The following RUNX1T1 variants were observed in gnomAD, a reference collection of about 807,000 sequenced individuals.
RUNX1T1 encodes the protein protein CBFA2T1.
A neutral mutation model predicts 62.8 loss-of-function variants in RUNX1T1; 4 were observed. The observed-to-expected ratio is 0.06, with a 90% CI of 0.03 to 0.15. The LOEUF (loss-of-function observed/expected upper bound fraction) is 0.15, where lower values mean the gene tolerates loss of function less well. RUNX1T1 is among the 10% of genes least tolerant of loss of function. RUNX1T1 has a pLI of 1.00. For missense variants in RUNX1T1, 508 were observed against 754.3 expected (o/e 0.67, Z 3.82); for synonymous variants, 291 against 286.0 (o/e 1.02, Z -0.18).
At chr8:92,016,540 T>A (rs1823037973) in intron 2 of RUNX1T1, among the ~76,000 whole-genome samples, 1 of 152,032 alleles carries the variant, frequency 6.6e-6, no homozygotes, top group African/African-American at 2.4e-5. Context: ...CTGGGCTCAG[T>A]GGCGCATGAC....
chr8:91,982,193 T>C (rs1308161892), intron 8 of RUNX1T1, among the ~76,000 whole-genome samples: 1 of 145,496 alleles, frequency 6.9e-6, no homozygotes, highest in Admixed American at 7.1e-5. Context: ...GCCGAGATTA[T>C]GCCACCACAC....
At chr8:91,962,441 A>G (rs968651916) in intron 10 of RUNX1T1, among the ~76,000 whole-genome samples, 2 of 152,250 alleles carry the variant, frequency 1.3e-5, no homozygotes, top group South Asian at 2.1e-4. Context: ...TTGAATGAAT[A>G]GTAGTAGAAC....
intron 1 of RUNX1T1, among the ~76,000 whole-genome samples, chr8:92,039,699 C>T (rs894537004): frequency 1.1e-4 from 17 of 152,180 alleles, no homozygotes; most frequent in African/African-American, 3.6e-4. Context: ...TGTCTTCTCT[C>T]GATGTATTAT....
chr8:92,067,790 A>G (rs918913366), upstream of RUNX1T1, among the ~76,000 whole-genome samples: 3 of 152,220 alleles, frequency 2.0e-5, no homozygotes, highest in African/African-American at 2.4e-5. Flanking sequence ...AACAAAATCT[A>G]TATCTGTAAT....
chr8:92,058,625 T>C (rs1831420288), intron 1 of RUNX1T1, among the ~76,000 whole-genome samples: 1 of 152,200 alleles, frequency 6.6e-6, no homozygotes, highest in African/African-American at 2.4e-5. Context: ...ACAAGTCCCT[T>C]AATCTCTAGG....
upstream of RUNX1T1, among the ~76,000 whole-genome samples, chr8:92,102,063 C>T (rs1398404941): frequency 6.6e-6 from 1 of 152,228 alleles, no homozygotes; most frequent in Non-Finnish European, 1.5e-5. The surrounding 1 kb of genome is among the most constrained non-coding windows in gnomAD (Gnocchi z 4.5). Context: ...AAGAAGCGGG[C>T]ACCGAGTCGG....
At chr8:92,016,978 C>T (rs576845116) in intron 2 of RUNX1T1, among the ~76,000 whole-genome samples, 2 of 152,264 alleles carry the variant, frequency 1.3e-5, no homozygotes, top group South Asian at 2.1e-4. Context: ...TTGCTAAAAT[C>T]ATAGCAGACT....
chr8:92,036,462 T>C (rs753140766), intron 1 of RUNX1T1, among the ~76,000 whole-genome samples: 2 of 152,170 alleles, frequency 1.3e-5, no homozygotes, highest in East Asian at 3.9e-4. Flanking sequence ...GGGATAGAAT[T>C]TTTGGAATGT....
At chr8:91,979,733 C>A in intron 8 of RUNX1T1, 1 of 416,048 alleles carries the variant, frequency 2.4e-6, no homozygotes, top group South Asian at 2.1e-5. Context: ...ACAGAAAGAG[C>A]AATCTATGAT....
At chr8:92,063,081 G>T, upstream of RUNX1T1, 1 of 451,444 alleles carries the variant, frequency 2.2e-6, no homozygotes, top group Non-Finnish European at 3.1e-6. Context: ...CATTTTCATA[G>T]CCATAATTGG....
chr8:92,029,690 A>G (rs915210094), intron 1 of RUNX1T1, among the ~76,000 whole-genome samples: 1 of 152,118 alleles, frequency 6.6e-6, no homozygotes, highest in African/African-American at 2.4e-5. Flanking sequence ...CACTGCCACC[A>G]CTAGCATACA....
chr8:91,979,337 C>T lies in RUNX1T1; in HGVS notation c.1199-3364G>A, dbSNP rs138307923. 5.0e-3 allele frequency among the ~76,000 whole-genome samples: 754 copies of T among 152,250 alleles called. 5 individuals carry two copies. Among genetic ancestry groups the T allele is most frequent in the South Asian group, 0.02 (97 of 4,820 alleles). On this transcript the variant is annotated intron_variant, in intron 8 of 10. Coordinates refer to ENST00000396218, the Ensembl canonical transcript of RUNX1T1. ...AGAATACTGGCTAATCTAAACACAT[C>T]TACCTAAAACATCCTAAGATTCTAA...
chr8:92,088,381 G>A (rs909178616), intron 1 of RUNX1T1, among the ~76,000 whole-genome samples: 14 of 152,190 alleles, frequency 9.2e-5, no homozygotes, highest in African/African-American at 3.1e-4. Flanking sequence ...TGAGGTTAGG[G>A]AAAGGGGTAT....
chr8:92,005,218 T>C, exon 5 of RUNX1T1: 1 of 1,614,068 alleles, frequency 6.2e-7, no homozygotes, highest in Non-Finnish European at 8.5e-7. Context: ...CTGTTCATGC[T>C]GGGCGAGGTA....
rs1464157933 is a variant in RUNX1T1 at position 91,960,536 on chromosome 8, G to T, written c.1459-19C>A. ...AGCAACTCTAAAGGAGAAGGCAGAAGAAAGCAAGATCCCAAGTTAATACAC... is the reference window on the plus strand; with the variant it reads ...AGCAACTCTAAAGGAGAAGGCAGAATAAAGCAAGATCCCAAGTTAATACAC... On this transcript the variant is annotated intron_variant, in intron 10 of 10. Coordinates refer to ENST00000396218, the Ensembl canonical transcript of RUNX1T1. The T allele has an allele frequency of 3.1e-6, 5 of 1,612,224 alleles. No homozygotes were observed. The highest frequency in any genetic ancestry group is 4.2e-6 in the Non-Finnish European group (5 of 1,179,012).
chr8:92,043,566 AG>A (rs1194487261), intron 1 of RUNX1T1, among the ~76,000 whole-genome samples: 9 of 152,164 alleles, frequency 5.9e-5, no homozygotes, highest in Non-Finnish European at 7.4e-5. Context: ...TATCTTTTAT[AG>A]TAACAAACAT....
chr8:92,003,404 AAACAGATTTTCATATT>A (rs1820137952), intron 5 of RUNX1T1: 2 of 456,014 alleles, frequency 4.4e-6, no homozygotes, highest in African/African-American at 4.0e-5. Flanking sequence ...GAAATGAATG[AAACAGATTTTCATATT>A]CCCTGTTATG....
intron 6 of RUNX1T1, among the ~76,000 whole-genome samples, chr8:91,990,416 T>C (rs1000618706): frequency 6.6e-6 from 1 of 152,112 alleles, no homozygotes; most frequent in Non-Finnish European, 1.5e-5. Context: ...ACACAGGAGA[T>C]GGAAAAAGAA....
At chr8:92,076,171 A>G (rs1834388931) in intron 1 of RUNX1T1, 34 bp from the exon 2 acceptor site, 2 of 1,470,328 alleles carry the variant, frequency 1.4e-6, no homozygotes, top group South Asian at 1.5e-5. Context: ...AAAAATGCAT[A>G]TATCACAACC....
Sources: allele counts gnomAD v4.1 joint callset (sites outside exome capture counted in the v4.1 genomes callset), GRCh38; gene constraint gnomAD v4.1.1; non-coding constraint Gnocchi (gnomAD v3.1); transcripts MANE v1.5; gene names NCBI Gene and HGNC (gene_info 2026-07-23, HGNC 2026-07-21).